ZFX: variants seen among roughly 807,000 people sequenced by gnomAD.
ZFX encodes the protein zinc finger X-chromosomal protein.
For missense variants in ZFX, 362 were observed against 628.3 expected (o/e 0.58, Z 4.53); for synonymous variants, 196 against 226.8 (o/e 0.86, Z 1.22).
At position 24,179,420 on chromosome X, in the gene ZFX, A is replaced by T; in HGVS notation, c.296A>T (p.Asp99Val). The T allele has an allele frequency of 2.5e-6, 3 of 1,212,151 alleles. No homozygotes were observed. The highest frequency in any genetic ancestry group is 3.3e-6 in the Non-Finnish European group (3 of 895,641). Residue 99 changes from aspartate to valine, a missense_variant, in exon 5 of 10, where the codon GAC becomes GTC. Transcript: ENST00000304543. ...ETVIIPEQVL[D>V]SDVTEEVSLA... Reference sequence around the variant, plus strand: ...GTCATCATTCCTGAGCAAGTGCTGGACTCAGATGTAACTGAAGAAGTTTCT... The same window carrying T: ...GTCATCATTCCTGAGCAAGTGCTGGTCTCAGATGTAACTGAAGAAGTTTCT...
At chrX:24,183,639 A>G (rs943954995) in intron 5 of ZFX, among the ~76,000 whole-genome samples, 1 of 112,099 alleles carries the variant, frequency 8.9e-6, no homozygotes, top group Non-Finnish European at 1.9e-5. Context: ...TTCAATGTAT[A>G]TAAACTTTAT....
At chrX:24,206,525 G>A (rs1176925276) in intron 5 of ZFX, among the ~76,000 whole-genome samples, 3 of 96,664 alleles carry the variant, frequency 3.1e-5, no homozygotes, top group African/African-American at 8.1e-5. Flanking sequence ...GTGTGTGTGT[G>A]TGTGTGTGTG....
At position 24,179,752 on chromosome X, in the gene ZFX, G is replaced by A; in HGVS notation, c.628G>A (p.Asp210Asn). ...GGATGATGACAAAGGCAACTGTGAG[G>A]ACTACCTTATGATTTCCTGTAAGTC... is the stretch of plus-strand genomic sequence containing the variant. ...QQDDDKGNCE[D>N]YLMISLDDAG... is the part of the protein sequence containing the mutation. The change falls in exon 5 of 10, where the codon GAC becomes AAC. Residue 210 changes from aspartate (D) to asparagine (N), a missense_variant. By Grantham distance (23) the Asp-to-Asn change is conservative. Coordinates refer to ENST00000304543, the MANE Select transcript of ZFX (RefSeq NM_003410.4). 8.3e-7 allele frequency: 1 copy of A among 1,207,167 alleles called. No homozygotes were observed. The highest frequency in any genetic ancestry group is 1.1e-6 in the Non-Finnish European group (1 of 894,219).
Position 24,208,263 on chromosome X carries a change from G to A in ZFX, c.986G>A (p.Gly329Glu). 3 of 1,211,830 alleles carry A rather than the reference G, an allele frequency of 2.5e-6. No homozygotes were observed. The highest frequency in any genetic ancestry group is 1.8e-5 in the South Asian group (1 of 56,807). ...ADEVYMEVIV[G>E]EEDAAAAAAA... The stretch of plus-strand genomic sequence containing the variant: ...GAAGTTTATATGGAAGTGATCGTAG[G>A]AGAGGAGGATGCTGCAGCAGCAGCG... Residue 329 changes from glycine to glutamate, a missense_variant, in exon 8 of 10, where the codon GGA becomes GAA. Physicochemically the swap from Gly to Glu is moderately conservative, Grantham distance 98. Transcript: ENST00000304543.
chrX:24,190,062 A>T (rs1368685679), intron 5 of ZFX, among the ~76,000 whole-genome samples: 1 of 112,216 alleles, frequency 8.9e-6, no homozygotes, highest in African/African-American at 3.2e-5. Flanking sequence ...GATTTTTAAA[A>T]TTTATTTCAT....
chrX:24,206,987 A>C (rs1007791724), intron 5 of ZFX, among the ~76,000 whole-genome samples: 3 of 110,705 alleles, frequency 2.7e-5, no homozygotes, highest in African/African-American at 9.9e-5. Context: ...GTAACCCAGC[A>C]CTTTGGGAGG....
At chrX:24,154,062 A>C (rs950814502) in intron 3 of ZFX, among the ~76,000 whole-genome samples, 6 of 111,697 alleles carry the variant, frequency 5.4e-5, no homozygotes, top group African/African-American at 2.0e-4. Context: ...TATAAAACCC[A>C]GGTATCTTGT....
At chrX:24,171,687 T>G (rs1251641004) in intron 3 of ZFX, among the ~76,000 whole-genome samples, 2 of 111,219 alleles carry the variant, frequency 1.8e-5, no homozygotes, top group African/African-American at 3.3e-5. Flanking sequence ...GTTTTTGGCT[T>G]AAGTAGAAAA....
Position 24,172,735 on chromosome X carries a change from TA to T in ZFX, c.-5del. The T allele has an allele frequency of 8.4e-7, 1 of 1,191,561 alleles. No homozygotes were observed. The highest frequency in any genetic ancestry group is 2.4e-5 in the Admixed American group (1 of 41,795). On this transcript the variant is annotated 5_prime_UTR_variant, in exon 4 of 10. Coordinates refer to ENST00000304543, the MANE Select transcript of ZFX (RefSeq NM_003410.4). ...TTTAGGAGCTGTGACTGATGAGAAT[TA>T]AAGGCCATGGATGAAGATGGGCTTG...
At chrX:24,188,996 CCTGA>C (rs1360211068) in intron 5 of ZFX, among the ~76,000 whole-genome samples, 1 of 111,130 alleles carries the variant, frequency 9.0e-6, no homozygotes, top group African/African-American at 3.3e-5. Context: ...TGCCACCACA[CCTGA>C]CTAATTTTTT....
chrX:24,168,101 A>C (rs1022911623), intron 3 of ZFX, among the ~76,000 whole-genome samples: 4 of 112,314 alleles, frequency 3.6e-5, no homozygotes, highest in Non-Finnish European at 5.6e-5. Context: ...AAAATTAGGA[A>C]AGAAATGCAG....
intron 5 of ZFX, among the ~76,000 whole-genome samples, chrX:24,181,643 TGATA>T (rs1935698063): frequency 8.9e-6 from 1 of 112,140 alleles, no homozygotes; most frequent in Non-Finnish European, 1.9e-5. Context: ...GAAATAGAAT[TGATA>T]GATCAAAGGG....
intron 3 of ZFX, among the ~76,000 whole-genome samples, chrX:24,163,915 G>T (rs1444460380): frequency 9.7e-6 from 1 of 103,266 alleles, no homozygotes; most frequent in Non-Finnish European, 1.9e-5. Flanking sequence ...TACATTTTCC[G>T]TCACTGTGCT....
intron 5 of ZFX, among the ~76,000 whole-genome samples, chrX:24,205,556 T>TA (rs1033978754): frequency 8.9e-6 from 1 of 112,511 alleles, no homozygotes; most frequent in Non-Finnish European, 1.9e-5. Flanking sequence ...TGTAAAGTTT[T>TA]AAAAAATGTG....
At chrX:24,159,996 G>T (rs1018299411) in intron 3 of ZFX, among the ~76,000 whole-genome samples, 7 of 110,669 alleles carry the variant, frequency 6.3e-5, no homozygotes, top group African/African-American at 2.3e-4. Context: ...ATAAAATACA[G>T]ATTTCCCTGA....
chrX:24,156,501 A>G (rs888512527), intron 3 of ZFX, among the ~76,000 whole-genome samples: 2 of 110,852 alleles, frequency 1.8e-5, no homozygotes, highest in African/African-American at 3.3e-5. Context: ...TTTCATGTGG[A>G]TTTATCAAAT....
intron 8 of ZFX, 102 bp from the exon 9 acceptor site, chrX:24,208,798 G>A: frequency 2.3e-6 from 2 of 867,901 alleles, no homozygotes; most frequent in Admixed American, 6.9e-5. Flanking sequence ...TGTCATTCAT[G>A]AGTATCATGG....
Position 24,187,894 on chromosome X carries a change from C to A in ZFX, c.646+8124C>A, listed in dbSNP as rs1490416727. Among the ~76,000 whole-genome samples, 12 of 111,472 alleles carry A rather than the reference C, an allele frequency of 1.1e-4. No individual in the cohort carries two copies. In the Admixed American group the frequency reaches 1.1e-3, roughly 11 times the overall value. ...CTTTAGAAGCACTAAGAGGATGGGG[C>A]TGGGCACGGTGACTCACGCCTGCAA... is the stretch of plus-strand genomic sequence containing the variant. On this transcript the variant is annotated intron_variant, in intron 5 of 9. Coordinates refer to ENST00000304543, the MANE Select transcript of ZFX (RefSeq NM_003410.4).
rs1179599566 is a variant in ZFX at position 24,213,595 on chromosome X, C to G, written c.*2219C>G. 1.8e-5 allele frequency: 2 copies of G among 110,497 alleles called. No homozygotes were observed. The highest frequency in any genetic ancestry group is 3.3e-5 in the African/African-American group (1 of 30,276). 9.1% of individuals were successfully genotyped at this position (110,497 alleles called of 1,213,427 possible). On this transcript the variant is annotated 3_prime_UTR_variant, in exon 10 of 10. Coordinates refer to ENST00000304543, the MANE Select transcript of ZFX (RefSeq NM_003410.4). ...CTTTAGGCAGGTGTGAACTCCAGCC[C>G]AAATGCCAGTCAAAGTCAAGGCATG...
Sources: gnomAD v4.1 joint callset for allele counts (sites outside exome capture counted in the v4.1 genomes callset) on GRCh38, gnomAD v4.1.1 for gene constraint, MANE v1.5 for transcripts, NCBI Gene and HGNC (gene_info 2026-07-23, HGNC 2026-07-21) for gene names.